The following MYO1D variants were observed in gnomAD, a reference collection of about 807,000 sequenced individuals.
The protein encoded by MYO1D is myosin ID.
Under a neutral mutation model 122.0 loss-of-function variants are expected in MYO1D, and 83 were observed. The observed-to-expected ratio is 0.68, with a 90% CI of 0.57 to 0.82. The LOEUF is 0.82. Ranked by LOEUF, MYO1D falls within the 40% of genes least tolerant of loss-of-function variation. MYO1D has a pLI of 0.00. For missense variants in MYO1D, 1,157 were observed against 1,269.5 expected, an observed-to-expected ratio of 0.91 and a Z score of 1.35; for synonymous variants, 464 against 446.9, an observed-to-expected ratio of 1.04 and a Z score of -0.48.
intron 1 of MYO1D, among the ~76,000 whole-genome samples, chr17:32,821,754 AAAGAAAG>A (rs1462226334): frequency 6.6e-6 from 1 of 152,206 alleles, no homozygotes; most frequent in East Asian, 1.9e-4. Context: ...TCAAAAAGTG[AAAGAAAG>A]AGACAAAATA....
At chr17:32,872,150 G>T (rs2091184827) in intron 1 of MYO1D, among the ~76,000 whole-genome samples, 2 of 152,200 alleles carry the variant, frequency 1.3e-5, no homozygotes, top group African/African-American at 4.8e-5. Context: ...CCCCCAACAA[G>T]AGACTTCTGG....
In MYO1D at chr17:32,494,406, C is replaced by A; in HGVS notation, c.*353G>T. The A allele has an allele frequency of 4.5e-6, 1 of 222,456 alleles. No homozygotes were observed. The highest frequency in any genetic ancestry group is 7.9e-5 in the South Asian group (1 of 12,672). The allele number at this position is 222,456 out of a possible 1,614,324, so 13.8% of individuals were successfully genotyped here. A position where few individuals can be genotyped will look rare whatever the true frequency, so the allele number is the denominator to read the frequency against. On this transcript the variant is annotated 3_prime_UTR_variant, in exon 22 of 22. Transcript: ENST00000318217. ...CCACCCCTTCCCTCTGCAGGGTCAG[C>A]AGCAGGGAGGACACCTGTCCAGGTG...
intron 19 of MYO1D, among the ~76,000 whole-genome samples, chr17:32,639,149 G>GATTTTCAAAAAAAAACTT (rs2088151521): frequency 6.6e-6 from 1 of 151,984 alleles, no homozygotes; most frequent in Non-Finnish European, 1.5e-5. Flanking sequence ...TATCTAAAAA[G>GATTTTCAAAAAAAAACTT]GGACTTGTAT....
chr17:32,637,730 T>C (rs888135848), intron 20 of MYO1D, among the ~76,000 whole-genome samples: 4 of 152,046 alleles, frequency 2.6e-5, no homozygotes, highest in African/African-American at 9.7e-5. Flanking sequence ...TTGCAATCTA[T>C]TGGCCTTTCT....
intron 21 of MYO1D, among the ~76,000 whole-genome samples, chr17:32,514,255 A>G (rs1055651734): frequency 1.3e-4 from 19 of 150,414 alleles, no homozygotes; most frequent in Admixed American, 9.3e-4. Flanking sequence ...AAAAAAAAAA[A>G]AAAAAAAAAA....
chr17:32,612,893 C>G (rs1196715359), intron 20 of MYO1D, among the ~76,000 whole-genome samples: 1 of 151,850 alleles, frequency 6.6e-6, no homozygotes, highest in African/African-American at 2.4e-5. Flanking sequence ...CCCAGCCTCC[C>G]ATGCAGCTGG....
rs1304577212 is a variant in MYO1D, at chr17:32,581,387, ATTGT to A, written c.2864+23696_2864+23699del. On this transcript the variant is annotated intron_variant, in intron 21 of 21. Transcript: ENST00000318217. Reference sequence around the variant, plus strand: ...TATTTTGGTACTACTGATGTTTGCTATTGTTTTTCTGATTTCCATTTCATTGGTT... The same window carrying A: ...TATTTTGGTACTACTGATGTTTGCTATTTTCTGATTTCCATTTCATTGGTT... Among the ~76,000 whole-genome samples the A allele has an allele frequency of 2.7e-5, 4 of 149,776 alleles. No individual in the cohort carries two copies. In the East Asian group the frequency reaches 7.8e-4, roughly 29 times the overall value.
chr17:32,649,831 CAA>C (rs2088362554), intron 19 of MYO1D, among the ~76,000 whole-genome samples: 1 of 152,138 alleles, frequency 6.6e-6, no homozygotes, highest in South Asian at 2.1e-4. Flanking sequence ...CTCAGCCTCC[CAA>C]AGTGTTGGGA....
intron 4 of MYO1D, among the ~76,000 whole-genome samples, chr17:32,773,700 T>C (rs972916636): frequency 3.3e-5 from 5 of 152,070 alleles, no homozygotes; most frequent in African/African-American, 1.2e-4. Flanking sequence ...CTAAACACCT[T>C]ATTTTCTTCT....
At chr17:32,573,501 G>C (rs978815503) in intron 21 of MYO1D, among the ~76,000 whole-genome samples, 1 of 152,028 alleles carries the variant, frequency 6.6e-6, no homozygotes. Context: ...GTGTGTGAAA[G>C]GCTCTGACTG....
At chr17:32,822,316 T>C (rs917018919) in intron 1 of MYO1D, among the ~76,000 whole-genome samples, 50 of 146,694 alleles carry the variant, frequency 3.4e-4, no homozygotes, top group Admixed American at 1.9e-3. Context: ...TAGGTGGGAA[T>C]TGAACAATGA....
Position 32,808,286 on chromosome 17 carries a change from G to A in MYO1D, c.96-27502C>T, listed in dbSNP as rs1055005081. Among the ~76,000 whole-genome samples the A allele has an allele frequency of 7.2e-5, 11 of 151,732 alleles. 1 individual carries two copies. Among genetic ancestry groups the A allele is most frequent in the Admixed American group, 7.2e-4 (11 of 15,222 alleles). On this transcript the variant is annotated intron_variant, in intron 1 of 21. Coordinates refer to ENST00000318217, the MANE Select transcript of MYO1D (RefSeq NM_015194.3). ...GTTACTCAGGGGGCTGAGGCAGGAG[G>A]ATTGCTTGAGCCCAGGAGTACGAGG...
chr17:32,834,341 T>C (rs2090801610), intron 1 of MYO1D, among the ~76,000 whole-genome samples: 6 of 152,186 alleles, frequency 3.9e-5, no homozygotes, highest in Non-Finnish European at 8.8e-5. Context: ...CTCATGGAGC[T>C]TGCAGTCAAA....
At chr17:32,546,095 G>A (rs963108967) in intron 21 of MYO1D, among the ~76,000 whole-genome samples, 5 of 152,044 alleles carry the variant, frequency 3.3e-5, no homozygotes, top group African/African-American at 7.2e-5. Flanking sequence ...AGTCTGGGTC[G>A]CCTTCCCTTC....
At chr17:32,761,415 C>G (rs879313633) in intron 8 of MYO1D, among the ~76,000 whole-genome samples, 2 of 152,216 alleles carry the variant, frequency 1.3e-5, no homozygotes, top group Admixed American at 6.5e-5. Context: ...CTCTGTCGCT[C>G]AGCATCACTC....
chr17:32,745,264 A>T lies in MYO1D; in HGVS notation c.1560T>A (p.Ile520=). ...GDVVYSVIGF[I]DKNKDTLFQD... ...GAAATAAAGTATCTTTATTTTTGTC[A>T]ATAAAACCAATGACAGAATAGCTAA... is the stretch of plus-strand genomic sequence containing the variant. Residue 520 remains isoleucine (I), a synonymous_variant, in exon 13 of 22, where the codon ATT becomes ATA. Coordinates refer to ENST00000318217, the MANE Select transcript of MYO1D (RefSeq NM_015194.3). 1 of 1,548,668 alleles carries T rather than the reference A, an allele frequency of 6.5e-7. No homozygotes were observed. The highest frequency in any genetic ancestry group is 8.9e-7 in the Non-Finnish European group (1 of 1,126,152).
At chr17:32,712,841 C>T (rs1259949817) in intron 15 of MYO1D, among the ~76,000 whole-genome samples, 1 of 152,134 alleles carries the variant, frequency 6.6e-6, no homozygotes, top group Admixed American at 6.5e-5. Context: ...TGAGTGTGAA[C>T]AAGACAGAAG....
intron 11 of MYO1D, among the ~76,000 whole-genome samples, chr17:32,754,640 T>G: frequency 6.6e-6 from 1 of 152,176 alleles, no homozygotes; most frequent in East Asian, 1.9e-4. Context: ...TGTCAGAGAT[T>G]TACATGGAAC....
At chr17:32,852,247 TC>T (rs2090995628) in intron 1 of MYO1D, among the ~76,000 whole-genome samples, 1 of 152,104 alleles carries the variant, frequency 6.6e-6, no homozygotes, top group Non-Finnish European at 1.5e-5. Flanking sequence ...CACCTCAGTC[TC>T]CCCAGTAGCT....
Sources: allele counts gnomAD v4.1 joint callset (sites outside exome capture counted in the v4.1 genomes callset), GRCh38; gene constraint gnomAD v4.1.1; transcripts MANE v1.5; gene names NCBI Gene and HGNC (gene_info 2026-07-23, HGNC 2026-07-21).